CDK7: variants seen among roughly 807,000 people sequenced by gnomAD.
CDK7 encodes the protein cyclin dependent kinase 7, also known as cyclin-dependent kinase 7.
CDK7 carries 25 observed loss-of-function variants against 49.1 expected under a neutral mutation model. The ratio of observed to expected loss-of-function variants is 0.51; its 90% CI spans 0.37 to 0.71. The LOEUF (loss-of-function observed/expected upper bound fraction) is 0.71. Among genes scored for constraint, CDK7 ranks in the 30% least tolerant of loss-of-function variants. The pLI, the probability that CDK7 is intolerant of heterozygous loss-of-function variation, is 0.00. For missense variants in CDK7, 316 were observed against 411.7 expected (o/e 0.77, Z 2.01); for synonymous variants, 107 against 140.0 (o/e 0.76, Z 1.67).
intron 9 of CDK7, among the ~76,000 whole-genome samples, chr5:69,271,950 A>G (rs903411079): frequency 1.3e-5 from 2 of 149,616 alleles, no homozygotes; most frequent in African/African-American, 4.9e-5. Flanking sequence ...TTTCTTTGAG[A>G]CAGTCTCACT....
At chr5:69,242,977 GGA>G (rs1415973741) in intron 2 of CDK7, among the ~76,000 whole-genome samples, 1 of 152,154 alleles carries the variant, frequency 6.6e-6, no homozygotes, top group Non-Finnish European at 1.5e-5. Flanking sequence ...CCCAGGAGGT[GGA>G]GGTTGCAGTA....
chr5:69,259,582 T>A (rs1177987026), intron 6 of CDK7, among the ~76,000 whole-genome samples: 1 of 152,152 alleles, frequency 6.6e-6, no homozygotes, highest in Non-Finnish European at 1.5e-5. Context: ...TCACAGAAAC[T>A]CTATGAAGTA....
In CDK7 at chr5:69,235,400, A is replaced by G. The variant is rs762773235; in HGVS notation, c.73A>G (p.Thr25Ala). 6 of 1,599,200 alleles carry G rather than the reference A, an allele frequency of 3.8e-6. No individual in the cohort carries two copies. The Admixed American group carries it at 8.3e-5, about 22-fold the overall frequency. ...LDFLGEGQFA[T>A]VYKARDKNTN... is the part of the protein sequence containing the mutation. Reference sequence around the variant, plus strand: ...TTTCTATTTTTCTTTCTAGTTTGCCACCGTTTACAAGGCCAGAGATAAGAA... The same window carrying G: ...TTTCTATTTTTCTTTCTAGTTTGCCGCCGTTTACAAGGCCAGAGATAAGAA... Residue 25 changes from threonine to alanine, a missense_variant, in exon 2 of 12, where the codon ACC becomes GCC. By Grantham distance (58) the Thr-to-Ala change is moderately conservative. Coordinates refer to ENST00000256443, the MANE Select transcript of CDK7 (RefSeq NM_001799.4).
chr5:69,269,614 C>A (rs1201291499), intron 9 of CDK7, among the ~76,000 whole-genome samples: 1 of 151,930 alleles, frequency 6.6e-6, no homozygotes, highest in Admixed American at 6.6e-5. Context: ...TTCTTTGACT[C>A]CTTGACAAAA....
At chr5:69,264,895 G>A (rs980863384) in intron 8 of CDK7, among the ~76,000 whole-genome samples, 12 of 152,116 alleles carry the variant, frequency 7.9e-5, no homozygotes, top group Middle Eastern at 3.4e-3. Context: ...GCTTGAACCC[G>A]GGATGTGGAG....
intron 8 of CDK7, 130 bp downstream of exon 8, chr5:69,262,434 C>A: frequency 8.5e-7 from 1 of 1,175,496 alleles, no homozygotes; most frequent in South Asian, 1.4e-5. Context: ...TTTGGGAGGC[C>A]GAGGCAGGTG....
At chr5:69,259,380 G>A (rs1750680065) in intron 6 of CDK7, among the ~76,000 whole-genome samples, 1 of 152,134 alleles carries the variant, frequency 6.6e-6, no homozygotes. Flanking sequence ...CATATCGTAA[G>A]TTTGGAATCC....
At chr5:69,275,912 G>A (rs1295846817) in intron 10 of CDK7, among the ~76,000 whole-genome samples, 2 of 152,186 alleles carry the variant, frequency 1.3e-5, no homozygotes, top group Non-Finnish European at 2.9e-5. Flanking sequence ...GGTACGTCAT[G>A]TATATGCAAA....
intron 8 of CDK7, among the ~76,000 whole-genome samples, chr5:69,264,754 C>G (rs929496773): frequency 3.3e-5 from 5 of 149,846 alleles, no homozygotes; most frequent in Admixed American, 6.7e-5. Context: ...GTGGATCACC[C>G]AAGGTTGGGA....
intron 10 of CDK7, among the ~76,000 whole-genome samples, chr5:69,274,614 G>GTATT (rs968237557): frequency 2.4e-4 from 36 of 152,196 alleles, no homozygotes; most frequent in African/African-American, 8.7e-4. Flanking sequence ...CCTAAAGGAA[G>GTATT]TATTTATTTA....
chr5:69,254,539 A>G (rs1750362976), intron 3 of CDK7, 63 bp from the exon 4 acceptor site: 1 of 795,146 alleles, frequency 1.3e-6, no homozygotes, highest in South Asian at 1.6e-5. Context: ...AAAAAAAAAA[A>G]GAAGTGTTTG....
intron 10 of CDK7, among the ~76,000 whole-genome samples, chr5:69,274,985 A>AC (rs1203680136): frequency 1.3e-5 from 2 of 149,428 alleles, no homozygotes; most frequent in Non-Finnish European, 3.0e-5. Flanking sequence ...AAGCATGTGA[A>AC]CCCGGGAGGT....
chr5:69,260,030 T>C, intron 7 of CDK7, 94 bp downstream of exon 7: 1 of 787,886 alleles, frequency 1.3e-6, no homozygotes, highest in Non-Finnish European at 2.1e-6. Context: ...TAAGGAATCA[T>C]TGTTGATAGA....
Position 69,273,005 on chromosome 5 carries a change from C to T in CDK7, c.828C>T (p.Phe276=), listed in dbSNP as rs139575116. Residue 276 remains phenylalanine (F), a synonymous_variant, in exon 10 of 12, where the codon TTC becomes TTT. Coordinates refer to ENST00000256443, the MANE Select transcript of CDK7 (RefSeq NM_001799.4). Reference sequence around the variant, plus strand: ...TACTAGATCTCATACAAGGCTTATTCTTATTTAATCCATGTGCTCGAATTA... The same window carrying T: ...TACTAGATCTCATACAAGGCTTATTTTTATTTAATCCATGTGCTCGAATTA... The part of the protein sequence containing the change: ...DDLLDLIQGL[F]LFNPCARITA... The T allele has an allele frequency of 1.8e-5, 28 of 1,576,656 alleles. No homozygotes were observed. In the African/African-American group the frequency reaches 3.3e-4, roughly 18 times the overall value.
intron 3 of CDK7, among the ~76,000 whole-genome samples, chr5:69,252,795 C>T (rs920204676): frequency 6.6e-6 from 1 of 152,052 alleles, no homozygotes; most frequent in East Asian, 1.9e-4. Flanking sequence ...AGGCTTGAGC[C>T]ACCATGCCCA....
chr5:69,273,879 A>G (rs1435814025), intron 10 of CDK7, among the ~76,000 whole-genome samples: 2 of 152,198 alleles, frequency 1.3e-5, no homozygotes, highest in African/African-American at 4.8e-5. Flanking sequence ...GTGAATATAT[A>G]TGGAGATGGA....
intron 2 of CDK7, among the ~76,000 whole-genome samples, chr5:69,249,858 G>A (rs1349320817): frequency 6.6e-6 from 1 of 152,114 alleles, no homozygotes; most frequent in African/African-American, 2.4e-5. Flanking sequence ...AAAAAACAAA[G>A]ACTGATGCAT....
At chr5:69,241,489 C>A (rs1749383791) in intron 2 of CDK7, among the ~76,000 whole-genome samples, 2 of 151,728 alleles carry the variant, frequency 1.3e-5, no homozygotes, top group African/African-American at 4.8e-5. Flanking sequence ...CCACACCCGG[C>A]TAATTTTTGT....
At chr5:69,268,726 G>A (rs1052171994) in intron 8 of CDK7, among the ~76,000 whole-genome samples, 10 of 149,182 alleles carry the variant, frequency 6.7e-5, no homozygotes, top group East Asian at 2.0e-4. Context: ...GGTGGCGGGC[G>A]CCTGTAGTCC....
Sources: allele counts gnomAD v4.1 joint callset (sites outside exome capture counted in the v4.1 genomes callset), GRCh38; gene constraint gnomAD v4.1.1; transcripts MANE v1.5; gene names NCBI Gene and HGNC (gene_info 2026-07-23, HGNC 2026-07-21).